The following CDKAL1 variants were observed in gnomAD, a reference collection of about 807,000 sequenced individuals.
The protein encoded by CDKAL1 is threonylcarbamoyladenosine tRNA methylthiotransferase.
Under a neutral mutation model 68.2 loss-of-function variants are expected in CDKAL1, and 32 were observed. That is an observed-to-expected ratio of 0.47 (90% CI 0.35 to 0.63). CDKAL1 has a LOEUF of 0.63. Among genes scored for constraint, CDKAL1 ranks in the 30% least tolerant of loss-of-function variants. The pLI is 0.00. For missense variants in CDKAL1, 606 were observed against 696.7 expected, an observed-to-expected ratio of 0.87 and a Z score of 1.47; for synonymous variants, 234 against 244.3, an observed-to-expected ratio of 0.96 and a Z score of 0.39.
intron 9 of CDKAL1, among the ~76,000 whole-genome samples, chr6:20,940,271 T>C (rs1397168175): frequency 6.6e-6 from 1 of 152,186 alleles, no homozygotes; most frequent in Admixed American, 6.5e-5. Flanking sequence ...ATCACTTCAC[T>C]GTGAAGAATT....
intron 5 of CDKAL1, among the ~76,000 whole-genome samples, chr6:20,696,485 C>T (rs1771112238): frequency 6.6e-6 from 1 of 152,092 alleles, no homozygotes; most frequent in Non-Finnish European, 1.5e-5. Flanking sequence ...AGACAATTTC[C>T]TTTGGTTGTG....
chr6:20,901,841 A>G (rs1031732212), intron 9 of CDKAL1, among the ~76,000 whole-genome samples: 22 of 151,626 alleles, frequency 1.5e-4, no homozygotes, highest in African/African-American at 5.1e-4. Flanking sequence ...CCATGGCGCA[A>G]TCTCAGCTCA....
intron 13 of CDKAL1, among the ~76,000 whole-genome samples, chr6:21,135,414 A>G (rs759636082): frequency 6.6e-6 from 1 of 152,166 alleles, no homozygotes; most frequent in Non-Finnish European, 1.5e-5. Context: ...CCTGGATTTC[A>G]TCTGCTACAT....
In CDKAL1 at chr6:21,183,705, C is replaced by T. The variant is rs1279863742; in HGVS notation, c.1300-14316C>T. 3.3e-5 allele frequency among the ~76,000 whole-genome samples: 5 copies of T among 152,088 alleles called. No homozygotes were observed. In the East Asian group the frequency reaches 7.7e-4, roughly 23 times the overall value. ...CATCCTGGAGATAGTAGAAGTGCTG[C>T]GGGTTATGTTACCAACAATAATCTA... On this transcript the variant is annotated intron_variant, in intron 13 of 15. Transcript: ENST00000274695.
At chr6:20,552,326 AAC>A (rs1763866538) in intron 4 of CDKAL1, among the ~76,000 whole-genome samples, 2 of 152,060 alleles carry the variant, frequency 1.3e-5, no homozygotes, top group Admixed American at 6.6e-5. Context: ...CAGCCTGGGC[AAC>A]AGAGTGAGAT....
intron 2 of CDKAL1, among the ~76,000 whole-genome samples, chr6:20,536,944 T>C (rs542481115): frequency 6.6e-6 from 1 of 152,352 alleles, no homozygotes; most frequent in Non-Finnish European, 1.5e-5. Context: ...TGAGAATGAC[T>C]GGAAAGTTTT....
chr6:21,069,839 T>C (rs1771671313), intron 12 of CDKAL1, among the ~76,000 whole-genome samples: 1 of 128,026 alleles, frequency 7.8e-6, no homozygotes, highest in Non-Finnish European at 1.6e-5. Context: ...CAGGCTGGAG[T>C]GCTGCAGTGG....
At chr6:20,791,181 T>C (rs1273400611) in intron 8 of CDKAL1, among the ~76,000 whole-genome samples, 3 of 152,202 alleles carry the variant, frequency 2.0e-5, no homozygotes, top group Non-Finnish European at 4.4e-5. Flanking sequence ...TCAACCTCTC[T>C]ATAGGTTTCA....
intron 5 of CDKAL1, among the ~76,000 whole-genome samples, chr6:20,712,657 T>C (rs1771901446): frequency 6.6e-6 from 1 of 152,128 alleles, no homozygotes; most frequent in Non-Finnish European, 1.5e-5. Flanking sequence ...TATAACTTTT[T>C]TTTTTGAGAT....
intron 11 of CDKAL1, among the ~76,000 whole-genome samples, chr6:21,028,112 TG>T (rs1483743583): frequency 1.3e-5 from 2 of 152,162 alleles, no homozygotes; most frequent in Non-Finnish European, 2.9e-5. Flanking sequence ...CTGGGCTGAA[TG>T]GAGTCACAGT....
chr6:20,915,304 A>G (rs1379297178), intron 9 of CDKAL1, among the ~76,000 whole-genome samples: 1 of 152,152 alleles, frequency 6.6e-6, no homozygotes, highest in East Asian at 1.9e-4. Flanking sequence ...GTTTACACAC[A>G]CACACCCCCA....
chr6:20,930,298 G>T, intron 9 of CDKAL1, among the ~76,000 whole-genome samples: 1 of 151,584 alleles, frequency 6.6e-6, no homozygotes, highest in Admixed American at 6.6e-5. Context: ...TCTATAAAAA[G>T]TATTTTTTTT....
intron 9 of CDKAL1, among the ~76,000 whole-genome samples, chr6:20,885,043 C>T (rs1037178258): frequency 1.5e-4 from 23 of 152,118 alleles, no homozygotes; most frequent in Admixed American, 1.3e-3. Flanking sequence ...TAAAGACATT[C>T]ATGTTCAGGG....
chr6:21,161,090 C>T (rs1293791915), intron 13 of CDKAL1, among the ~76,000 whole-genome samples: 1 of 152,032 alleles, frequency 6.6e-6, no homozygotes, highest in Non-Finnish European at 1.5e-5. Context: ...AAGACAACCA[C>T]CCTGTTGCTG....
At chr6:20,830,238 C>A (rs1581661235) in intron 8 of CDKAL1, among the ~76,000 whole-genome samples, 1 of 152,106 alleles carries the variant, frequency 6.6e-6, no homozygotes, top group Non-Finnish European at 1.5e-5. Context: ...TTTAGAATAA[C>A]CATCAAAACA....
intron 10 of CDKAL1, among the ~76,000 whole-genome samples, chr6:20,984,019 T>C (rs1401840660): frequency 1.3e-5 from 2 of 152,344 alleles, no homozygotes; most frequent in East Asian, 1.9e-4. Flanking sequence ...ACCATTGTGC[T>C]GTGGTCATGG....
intron 4 of CDKAL1, among the ~76,000 whole-genome samples, chr6:20,563,005 C>T (rs569737041): frequency 6.6e-6 from 1 of 152,172 alleles, no homozygotes. Flanking sequence ...TTCACTCCTT[C>T]AGCAGTGTTT....
intron 11 of CDKAL1, among the ~76,000 whole-genome samples, chr6:21,019,596 G>A (rs1240799216): frequency 6.6e-6 from 1 of 152,156 alleles, no homozygotes; most frequent in Non-Finnish European, 1.5e-5. Flanking sequence ...TAATACCTTT[G>A]TCAGAAGCCT....
intron 14 of CDKAL1, chr6:21,200,813 A>G: frequency 4.8e-6 from 1 of 208,940 alleles, no homozygotes; most frequent in East Asian, 1.1e-4. Flanking sequence ...TTGAGCAGCT[A>G]GAAGATAGAG....
Sources: gnomAD v4.1 joint callset for allele counts (sites outside exome capture counted in the v4.1 genomes callset) on GRCh38, gnomAD v4.1.1 for gene constraint, MANE v1.5 for transcripts, NCBI Gene and HGNC (gene_info 2026-07-23, HGNC 2026-07-21) for gene names.